Variants in REEP5 observed in about 807,000 individuals in gnomAD.
REEP5 encodes receptor accessory protein 5.
In REEP5, 24 loss-of-function variants were observed where a neutral mutation model predicts 22.4. The ratio of observed to expected loss-of-function variants is 1.07; its 90% CI spans 0.78 to 1.51. The LOEUF (loss-of-function observed/expected upper bound fraction) is 1.51. Ranked by LOEUF, REEP5 falls within the 40% of genes most tolerant of loss-of-function variation. The probability of loss-of-function intolerance (pLI) is 0.00; values close to 1 mark genes in which losing one functional copy is unlikely to be tolerated. For synonymous variants in REEP5, 103 were observed against 88.6 expected (o/e 1.16, Z -0.92); for missense variants, 252 against 233.0 (o/e 1.08, Z -0.53).
chr5:112,921,098 C>T, intron 2 of REEP5, 65 bp downstream of exon 2: 3 of 1,501,692 alleles, frequency 2.0e-6, no homozygotes, highest in Non-Finnish European at 2.8e-6. Flanking sequence ...GTGCAGTCTA[C>T]TGCAGCAGCC....
intron 3 of REEP5, chr5:112,892,504 C>T (rs760918238): frequency 6.2e-7 from 1 of 1,614,192 alleles, no homozygotes; most frequent in Admixed American, 1.7e-5. Flanking sequence ...CCAAGCAGCC[C>T]TTTCTCTGTT....
At chr5:112,906,615 A>G (rs1456347412) in intron 2 of REEP5, among the ~76,000 whole-genome samples, 3 of 152,174 alleles carry the variant, frequency 2.0e-5, no homozygotes, top group Non-Finnish European at 4.4e-5. Flanking sequence ...GGGAACTATC[A>G]GAAGTGAACA....
intron 3 of REEP5, chr5:112,897,915 T>G (rs1241895286): frequency 6.6e-6 from 1 of 152,012 alleles, no homozygotes; most frequent in East Asian, 1.9e-4. Context: ...AAAAATTAGC[T>G]GGGTGTGGTG....
At chr5:112,894,577 G>A (rs1768620934) in intron 3 of REEP5, 1 of 152,200 alleles carries the variant, frequency 6.6e-6, no homozygotes, top group South Asian at 2.1e-4. Context: ...TGGACATTTT[G>A]AAGAATATGC....
rs1561651641 is a variant in REEP5 at position 112,892,968 on chromosome 5, G to GAGCCGCAGGAGCCAC, written c.352-5800_352-5786dup. The GAGCCGCAGGAGCCAC allele has an allele frequency of 3.1e-6, 5 of 1,591,930 alleles. 1 individual carries two copies. The South Asian group carries it at 5.6e-5, about 18-fold the overall frequency. The stretch of plus-strand genomic sequence containing the variant: ...GCTGGGACCAGGGCCGCCGGAGCCA[G>GAGCCGCAGGAGCCAC]AGCCGCAGGAGCCACCGCAGCCGGA... On this transcript the variant is annotated intron_variant, in intron 3 of 4. Coordinates refer to ENST00000379638, the MANE Select transcript of REEP5 (RefSeq NM_005669.5).
Position 112,877,898 on chromosome 5 carries a change from T to C in REEP5, c.*888A>G, listed in dbSNP as rs929636852. ...CAGAAATGGTTTCCATTGTAGCATC[T>C]TGACAATAGACAAATATGTAAAGTT... On this transcript the variant is annotated 3_prime_UTR_variant, in exon 5 of 5. Coordinates refer to ENST00000379638, the MANE Select transcript of REEP5 (RefSeq NM_005669.5). The C allele has an allele frequency of 6.6e-6, 1 of 152,300 alleles. No homozygotes were observed. The highest frequency in any genetic ancestry group is 1.9e-4 in the East Asian group (1 of 5,184). 9.4% of individuals were successfully genotyped at this position (152,300 alleles called of 1,614,324 possible).
intron 4 of REEP5, 135 bp downstream of exon 4, chr5:112,886,880 T>TA (rs1245355892): frequency 1.7e-6 from 1 of 605,402 alleles, no homozygotes; most frequent in Non-Finnish European, 2.8e-6. Flanking sequence ...AAAGACTTTG[T>TA]AAAGAAATCC....
intron 2 of REEP5, among the ~76,000 whole-genome samples, chr5:112,912,613 AAG>A: frequency 6.6e-6 from 1 of 152,158 alleles, no homozygotes; most frequent in Non-Finnish European, 1.5e-5. Context: ...TCCAGAGGTT[AAG>A]ATAGGTTCTT....
chr5:112,908,677 G>A (rs930912655), intron 2 of REEP5, among the ~76,000 whole-genome samples: 1 of 151,196 alleles, frequency 6.6e-6, no homozygotes, highest in African/African-American at 2.4e-5. Context: ...AGGTGCCCAC[G>A]ACAGCGCCCA....
At chr5:112,914,400 C>T (rs1769186729) in intron 2 of REEP5, among the ~76,000 whole-genome samples, 1 of 151,638 alleles carries the variant, frequency 6.6e-6, no homozygotes, top group Non-Finnish European at 1.5e-5. Flanking sequence ...CAGGCGTGTA[C>T]TAATTTTTTG....
At chr5:112,911,303 T>C (rs1769097418) in intron 2 of REEP5, among the ~76,000 whole-genome samples, 1 of 152,228 alleles carries the variant, frequency 6.6e-6, no homozygotes, top group Non-Finnish European at 1.5e-5. Flanking sequence ...CATTATTCTT[T>C]AGGCCACTGT....
At chr5:112,898,765 T>C (rs1046981229) in intron 3 of REEP5, among the ~76,000 whole-genome samples, 1 of 152,236 alleles carries the variant, frequency 6.6e-6, no homozygotes. Context: ...AATTATGTCA[T>C]GTCCAAATTA....
Position 112,876,742 on chromosome 5 carries a change from C to A in REEP5, c.*2044G>T, listed in dbSNP as rs1328553398. On this transcript the variant is annotated 3_prime_UTR_variant, in exon 5 of 5. Coordinates refer to ENST00000379638, the MANE Select transcript of REEP5 (RefSeq NM_005669.5). ...TCATTTGGGAAATCATGCAACAGAACTGCTCAATTCTTAACTTCTCCTGCT... is the reference window on the plus strand; with the variant it reads ...TCATTTGGGAAATCATGCAACAGAAATGCTCAATTCTTAACTTCTCCTGCT... The A allele has an allele frequency of 6.6e-6, 1 of 152,150 alleles. No individual in the cohort carries two copies. The highest frequency in any genetic ancestry group is 1.5e-5 in the Non-Finnish European group (1 of 68,018). 9.4% of individuals were successfully genotyped at this position (152,150 alleles called of 1,614,324 possible).
rs374687372 is a variant in REEP5 at position 112,908,976 on chromosome 5, A to G, written c.213-6458T>C. Reference sequence around the variant, plus strand: ...CACCCACAAAGAGACACACAAGGAGAAAAGAGAGCCACACAGCCCATCACA... The same window carrying G: ...CACCCACAAAGAGACACACAAGGAGGAAAGAGAGCCACACAGCCCATCACA... On this transcript the variant is annotated intron_variant, in intron 2 of 4. Coordinates refer to ENST00000379638, the MANE Select transcript of REEP5 (RefSeq NM_005669.5). 1.5e-4 allele frequency among the ~76,000 whole-genome samples: 23 copies of G among 151,944 alleles called. No homozygotes were observed. The East Asian group carries it at 4.1e-3, about 27-fold the overall frequency.
At chr5:112,900,157 G>A (rs1029990677) in intron 3 of REEP5, among the ~76,000 whole-genome samples, 4 of 152,102 alleles carry the variant, frequency 2.6e-5, no homozygotes, top group Non-Finnish European at 5.9e-5. Context: ...TTTCTCTTCC[G>A]TGAAATACTT....
chr5:112,905,969 TA>T (rs1768948934), intron 2 of REEP5, among the ~76,000 whole-genome samples: 1 of 152,168 alleles, frequency 6.6e-6, no homozygotes, highest in South Asian at 2.1e-4. Flanking sequence ...ATTCAGTAGA[TA>T]AAAGTGATTC....
At chr5:112,907,983 C>A (rs911589502) in intron 2 of REEP5, among the ~76,000 whole-genome samples, 1 of 149,468 alleles carries the variant, frequency 6.7e-6, no homozygotes, top group African/African-American at 2.5e-5. Flanking sequence ...TCCTGAATAA[C>A]AGAATTTTAC....
intron 3 of REEP5, chr5:112,896,470 C>G (rs144926472): frequency 6.6e-6 from 1 of 152,032 alleles, no homozygotes; most frequent in East Asian, 1.9e-4. Flanking sequence ...TTGCAGTGAG[C>G]AGAGATCACG....
At position 112,877,431 on chromosome 5, in the gene REEP5, A is replaced by T. The variant is rs1383151653; in HGVS notation, c.*1355T>A. The T allele has an allele frequency of 6.6e-6, 1 of 152,148 alleles. No individual in the cohort carries two copies. The highest frequency in any genetic ancestry group is 1.9e-4 in the East Asian group (1 of 5,204). The allele number at this position is 152,148 out of a possible 1,614,324, so 9.4% of individuals were successfully genotyped here. On this transcript the variant is annotated 3_prime_UTR_variant, in exon 5 of 5. Coordinates refer to ENST00000379638, the MANE Select transcript of REEP5 (RefSeq NM_005669.5). ...GTGTAAAACTCAGATTTTCTAGTCC[A>T]GACAAATTGCTCTCTATAACGATTT... is the stretch of plus-strand genomic sequence containing the variant.
Sources: gnomAD v4.1 joint callset for allele counts (sites outside exome capture counted in the v4.1 genomes callset) on GRCh38, gnomAD v4.1.1 for gene constraint, MANE v1.5 for transcripts, NCBI Gene and HGNC (gene_info 2026-07-23, HGNC 2026-07-21) for gene names.